Variants in SMARCC1 observed in about 807,000 individuals in gnomAD.
The protein encoded by SMARCC1 is SWI/SNF related BAF chromatin remodeling complex subunit C1.
A neutral mutation model predicts 147.4 loss-of-function variants in SMARCC1; 43 were observed. That is an observed-to-expected ratio of 0.29 (90% CI 0.23 to 0.38). The LOEUF (loss-of-function observed/expected upper bound fraction) is 0.38, where lower values mean the gene tolerates loss of function less well. Ranked by LOEUF, SMARCC1 falls within the 10% of genes least tolerant of loss-of-function variation. The pLI, the probability that SMARCC1 is intolerant of heterozygous loss-of-function variation, is 1.00. For missense variants in SMARCC1, 1,119 were observed against 1,381.1 expected (o/e 0.81, Z 3.01); for synonymous variants, 495 against 484.4 (o/e 1.02, Z -0.29).
At position 47,657,054 on chromosome 3, in the gene SMARCC1, G is replaced by T. The variant is rs542873246; in HGVS notation, c.2320+4240C>A. On this transcript the variant is annotated intron_variant, in intron 21 of 27. Coordinates refer to ENST00000254480, the MANE Select transcript of SMARCC1 (RefSeq NM_003074.4). ...AAGGACATTCTGTAAAAGATAAAAG[G>T]TTCAATACATCAAAAAGATGTAACA... Among the ~76,000 whole-genome samples, 4 of 152,178 alleles carry T rather than the reference G, an allele frequency of 2.6e-5. No individual in the cohort carries two copies. In the South Asian group the frequency reaches 6.2e-4, roughly 24 times the overall value.
intron 2 of SMARCC1, among the ~76,000 whole-genome samples, chr3:47,753,169 C>T (rs1421448620): frequency 2.6e-5 from 4 of 151,562 alleles, no homozygotes; most frequent in African/African-American, 9.7e-5. Flanking sequence ...CATGGTAAAA[C>T]CCCATCTTAG....
At chr3:47,714,268 G>T (rs757175926) in intron 8 of SMARCC1, 147 bp downstream of exon 8, 4 of 602,568 alleles carry the variant, frequency 6.6e-6, no homozygotes, top group Non-Finnish European at 8.9e-6. Context: ...GGAGGCTAAC[G>T]CACGAGAATC....
At chr3:47,736,219 T>C in intron 4 of SMARCC1, 93 bp from the exon 5 acceptor site, 1 of 656,662 alleles carries the variant, frequency 1.5e-6, no homozygotes, top group Non-Finnish European at 2.6e-6. Context: ...CAGATAACCT[T>C]TTCTGCCACA....
intron 5 of SMARCC1, among the ~76,000 whole-genome samples, 200 bp from the exon 6 acceptor site, chr3:47,729,294 T>C (rs1368353371): frequency 6.6e-6 from 1 of 152,236 alleles, no homozygotes; most frequent in Non-Finnish European, 1.5e-5. Context: ...CAGTTTAGAC[T>C]GCTGTATAGA....
chr3:47,689,431 A>C lies in SMARCC1; in HGVS notation c.1226-7T>G, dbSNP rs773582840. 5 of 1,611,338 alleles carry C rather than the reference A, an allele frequency of 3.1e-6. No individual in the cohort carries two copies. The East Asian group carries it at 1.1e-4, about 36-fold the overall frequency. On this transcript the variant is annotated splice_region_variant and splice_polypyrimidine_tract_variant and intron_variant, in intron 12 of 27. Coordinates refer to ENST00000254480, the MANE Select transcript of SMARCC1 (RefSeq NM_003074.4). ...GTTTCTTCATCCTGCTCATCTGCAA[A>C]ACCAAAACACACAATTCATTTTAAA...
intron 19 of SMARCC1, among the ~76,000 whole-genome samples, chr3:47,665,268 G>A (rs2033406794): frequency 6.6e-6 from 1 of 152,092 alleles, no homozygotes; most frequent in Admixed American, 6.5e-5. Flanking sequence ...GGCTAATTCT[G>A]GGTTTCCTCT....
chr3:47,694,728 T>C (rs1209197748), intron 11 of SMARCC1, among the ~76,000 whole-genome samples: 1 of 152,182 alleles, frequency 6.6e-6, no homozygotes, highest in Non-Finnish European at 1.5e-5. Flanking sequence ...ACCTTTTAGG[T>C]TTTGAAAATC....
At chr3:47,721,511 G>A (rs1480115517) in intron 6 of SMARCC1, among the ~76,000 whole-genome samples, 1 of 152,184 alleles carries the variant, frequency 6.6e-6, no homozygotes, top group African/African-American at 2.4e-5. Flanking sequence ...TAGTAAGAGA[G>A]AAGTTCTGAA....
intron 3 of SMARCC1, among the ~76,000 whole-genome samples, chr3:47,745,143 G>A (rs1289261498): frequency 6.6e-6 from 1 of 152,084 alleles, no homozygotes; most frequent in Non-Finnish European, 1.5e-5. Flanking sequence ...GGTGGCAGGT[G>A]CCTGTAATCC....
In SMARCC1 at chr3:47,588,256, C is replaced by G; in HGVS notation, c.3271G>C (p.Val1091Leu). The G allele has an allele frequency of 3.7e-6, 6 of 1,613,794 alleles. No individual in the cohort carries two copies. The highest frequency in any genetic ancestry group is 5.1e-6 in the Non-Finnish European group (6 of 1,179,888). The change falls in exon 28 of 28, where the codon GTC becomes CTC. Residue 1091 changes from valine to leucine, a missense_variant. Around this residue, in one of 6 missense-constraint regions of SMARCC1, gnomAD observed 186 missense variants for 216.5 expected, o/e 0.86. Transcript: ENST00000254480. Reference sequence around the variant, plus strand: ...GGGCCAGGAGCAGGAGGCGGAGGGACCCCATCTGCAGGTGGTGGTGGCGGT... The same window carrying G: ...GGGCCAGGAGCAGGAGGCGGAGGGAGCCCATCTGCAGGTGGTGGTGGCGGT... ...QPPPPPPADGVPPPPAPGPPA... is the reference protein window; with the variant it reads ...QPPPPPPADGLPPPPAPGPPA...
At chr3:47,590,878 G>T in intron 26 of SMARCC1, 41 bp from the exon 27 acceptor site, 1 of 1,544,496 alleles carries the variant, frequency 6.5e-7, no homozygotes, top group South Asian at 1.2e-5. Flanking sequence ...ATACTAGAAA[G>T]GGGTGTAAGA....
At chr3:47,718,503 T>G (rs1339335721) in intron 7 of SMARCC1, among the ~76,000 whole-genome samples, 2 of 151,994 alleles carry the variant, frequency 1.3e-5, no homozygotes, top group East Asian at 3.8e-4. Context: ...AAATGGTGTT[T>G]GGGATTTGCT....
intron 11 of SMARCC1, among the ~76,000 whole-genome samples, chr3:47,695,080 G>A (rs1185012355): frequency 1.3e-5 from 2 of 152,280 alleles, no homozygotes; most frequent in South Asian, 4.1e-4. Flanking sequence ...CACAAAATTC[G>A]TATGTTGAAA....
At chr3:47,735,916 T>C in intron 5 of SMARCC1, 118 bp downstream of exon 5, 2 of 495,350 alleles carry the variant, frequency 4.0e-6, no homozygotes, top group South Asian at 4.3e-5. Context: ...AAAATTTCTT[T>C]TGATGCAAAT....
intron 21 of SMARCC1, among the ~76,000 whole-genome samples, chr3:47,654,492 G>C (rs1313147748): frequency 6.6e-6 from 1 of 152,196 alleles, no homozygotes; most frequent in African/African-American, 2.4e-5. Flanking sequence ...AGAAGAGTTA[G>C]AACAATAATT....
At chr3:47,772,090 A>G (rs1048549645) in intron 2 of SMARCC1, among the ~76,000 whole-genome samples, 2 of 151,448 alleles carry the variant, frequency 1.3e-5, no homozygotes, top group African/African-American at 4.9e-5. Context: ...AATTAAATAA[A>G]ATAAAGATAG....
intron 2 of SMARCC1, 62 bp downstream of exon 2, chr3:47,772,754 TG>T: frequency 7.0e-7 from 1 of 1,430,784 alleles, no homozygotes; most frequent in Non-Finnish European, 9.4e-7. Flanking sequence ...AAAAGCTGGA[TG>T]CTACACCTAA....
At chr3:47,619,480 C>T (rs1229697641) in intron 25 of SMARCC1, among the ~76,000 whole-genome samples, 1 of 152,206 alleles carries the variant, frequency 6.6e-6, no homozygotes, top group African/African-American at 2.4e-5. Flanking sequence ...ATGTGAAGGC[C>T]ATGCCACCCA....
At chr3:47,641,673 AT>A (rs1488252436) in intron 21 of SMARCC1, among the ~76,000 whole-genome samples, 2 of 152,230 alleles carry the variant, frequency 1.3e-5, no homozygotes, top group African/African-American at 4.8e-5. Flanking sequence ...AACAAAAAAA[AT>A]CTAGATAAAG....
Sources: gnomAD v4.1 joint callset for allele counts (sites outside exome capture counted in the v4.1 genomes callset) on GRCh38, gnomAD v4.1.1 for gene constraint, gnomAD v4.1.1 regional missense constraint, MANE v1.5 for transcripts, NCBI Gene and HGNC (gene_info 2026-07-23, HGNC 2026-07-21) for gene names.